CNKSR3: variants seen among roughly 807,000 people sequenced by gnomAD.
The protein encoded by CNKSR3 is connector enhancer of kinase suppressor of ras 3.
In CNKSR3, 36 loss-of-function variants were observed where a neutral mutation model predicts 67.7. The observed-to-expected ratio is 0.53, with a 90% CI of 0.41 to 0.70. The LOEUF (loss-of-function observed/expected upper bound fraction) is 0.70. Ranked by LOEUF, CNKSR3 falls within the 30% of genes least tolerant of loss-of-function variation. The pLI is 0.00. For missense variants in CNKSR3, 630 were observed against 695.2 expected, an observed-to-expected ratio of 0.91 and a Z score of 1.05; for synonymous variants, 281 against 271.4, an observed-to-expected ratio of 1.04 and a Z score of -0.35.
At chr6:154,427,224 C>T (rs1562327352) in intron 7 of CNKSR3, among the ~76,000 whole-genome samples, 1 of 152,352 alleles carries the variant, frequency 6.6e-6, no homozygotes, top group South Asian at 2.1e-4. Flanking sequence ...TTATCACAGA[C>T]ACTCAAAGAT....
intron 5 of CNKSR3, among the ~76,000 whole-genome samples, chr6:154,431,341 G>A (rs1442701183): frequency 1.3e-5 from 2 of 151,542 alleles, no homozygotes; most frequent in Non-Finnish European, 1.5e-5. Flanking sequence ...CTACTCGGGA[G>A]GCTGAGGCTG....
intron 1 of CNKSR3, among the ~76,000 whole-genome samples, chr6:154,457,183 CGTAGTAT>C (rs1554235026): frequency 2.0e-5 from 3 of 151,954 alleles, no homozygotes; most frequent in Non-Finnish European, 4.4e-5. Context: ...TCTATGTGAG[CGTAGTAT>C]GATTAATGGA....
intron 2 of CNKSR3, among the ~76,000 whole-genome samples, chr6:154,446,179 G>A (rs896905067): frequency 6.6e-6 from 1 of 152,070 alleles, no homozygotes; most frequent in Non-Finnish European, 1.5e-5. Flanking sequence ...TTCACCATCC[G>A]GGATCCTTTC....
At chr6:154,463,393 C>T (rs975315648) in intron 1 of CNKSR3, among the ~76,000 whole-genome samples, 15 of 151,948 alleles carry the variant, frequency 9.9e-5, no homozygotes, top group African/African-American at 3.4e-4. Context: ...TTCATATATA[C>T]ATCACCAAAT....
At chr6:154,482,665 G>A (rs1786588403) in intron 1 of CNKSR3, among the ~76,000 whole-genome samples, 1 of 152,162 alleles carries the variant, frequency 6.6e-6, no homozygotes, top group African/African-American at 2.4e-5. Flanking sequence ...TGTCTAGGAA[G>A]GGTTCCAGAA....
intron 1 of CNKSR3, among the ~76,000 whole-genome samples, chr6:154,456,348 A>C (rs1785953594): frequency 6.6e-6 from 1 of 151,642 alleles, no homozygotes; most frequent in African/African-American, 2.4e-5. Flanking sequence ...TTAAATTCAG[A>C]AATCAGTTTA....
intron 9 of CNKSR3, among the ~76,000 whole-genome samples, chr6:154,421,767 C>T (rs768550253): frequency 6.6e-6 from 1 of 152,168 alleles, no homozygotes; most frequent in African/African-American, 2.4e-5. Flanking sequence ...GATGACTCAA[C>T]CTCATGTGGT....
rs1017657234 is a variant in CNKSR3 at position 154,393,413 on chromosome 6, G to T, written c.*12941C>A. 1.3e-5 allele frequency: 2 copies of T among 152,204 alleles called. No individual in the cohort carries two copies. The highest frequency in any genetic ancestry group is 4.8e-5 in the African/African-American group (2 of 41,450). The allele number at this position is 152,204 out of a possible 1,614,324, so 9.4% of individuals were successfully genotyped here. A position where few individuals can be genotyped will look rare whatever the true frequency, so the allele number is the denominator to read the frequency against. Reference sequence around the variant, plus strand: ...GAGAGCAGCATCTCCCTGTGATTTTGACTTCACTTTCCCTGCTCGCTAGTG... The same window carrying T: ...GAGAGCAGCATCTCCCTGTGATTTTTACTTCACTTTCCCTGCTCGCTAGTG... On this transcript the variant is annotated 3_prime_UTR_variant, in exon 13 of 13. Transcript: ENST00000607772.
At chr6:154,461,254 T>TG (rs1272050152) in intron 1 of CNKSR3, among the ~76,000 whole-genome samples, 1 of 151,964 alleles carries the variant, frequency 6.6e-6, no homozygotes, top group Non-Finnish European at 1.5e-5. Flanking sequence ...GGACCTCAAC[T>TG]GGGCACCTAG....
intron 1 of CNKSR3, among the ~76,000 whole-genome samples, chr6:154,503,836 C>A (rs1257883223): frequency 6.6e-6 from 1 of 152,160 alleles, no homozygotes; most frequent in Non-Finnish European, 1.5e-5. Context: ...TAAGTGTCAT[C>A]ATTCCAGAAT....
chr6:154,485,762 C>T (rs1358217605), intron 1 of CNKSR3, among the ~76,000 whole-genome samples: 1 of 152,210 alleles, frequency 6.6e-6, no homozygotes, highest in Non-Finnish European at 1.5e-5. Context: ...AGAAGCAACT[C>T]TGGTGACTAA....
In CNKSR3 at chr6:154,394,409, A is replaced by C. The variant is rs1784637237; in HGVS notation, c.*11945T>G. ...GTGGATAATGCCTGGGTCACCTTGA[A>C]GTCCAAAATTGGAGACACCATAACC... On this transcript the variant is annotated 3_prime_UTR_variant, in exon 13 of 13. Coordinates refer to ENST00000607772, the MANE Select transcript of CNKSR3 (RefSeq NM_173515.4). 1 of 152,162 alleles carries C rather than the reference A, an allele frequency of 6.6e-6. No individual in the cohort carries two copies. Among genetic ancestry groups the C allele is most frequent in the Non-Finnish European group, 1.5e-5 (1 of 68,042 alleles). 9.4% of individuals were successfully genotyped at this position (152,162 alleles called of 1,614,324 possible).
At chr6:154,412,260 G>T (rs1304389128) in intron 10 of CNKSR3, among the ~76,000 whole-genome samples, 1 of 152,078 alleles carries the variant, frequency 6.6e-6, no homozygotes, top group Non-Finnish European at 1.5e-5. Context: ...CATTCACAAA[G>T]CTTTCATGAC....
In CNKSR3 at chr6:154,391,201, G is replaced by A. The variant is rs1281471760; in HGVS notation, c.*15153C>T. ...TATCTGTGTCCACATGTCCTTGATTGAGCCCACCATAATGACTGCATTTTA... is the reference window on the plus strand; with the variant it reads ...TATCTGTGTCCACATGTCCTTGATTAAGCCCACCATAATGACTGCATTTTA... On this transcript the variant is annotated 3_prime_UTR_variant, in exon 13 of 13. Coordinates refer to ENST00000607772, the MANE Select transcript of CNKSR3 (RefSeq NM_173515.4). 6.6e-6 allele frequency: 1 copy of A among 151,878 alleles called. No individual in the cohort carries two copies. Among genetic ancestry groups the A allele is most frequent in the Non-Finnish European group, 1.5e-5 (1 of 68,006 alleles). 9.4% of individuals were successfully genotyped at this position (151,878 alleles called of 1,614,324 possible).
intron 1 of CNKSR3, among the ~76,000 whole-genome samples, chr6:154,450,462 T>G (rs1740338341): frequency 6.6e-6 from 1 of 152,210 alleles, no homozygotes; most frequent in Admixed American, 6.5e-5. Flanking sequence ...CATTCTCAAG[T>G]GATCCAACAG....
intron 1 of CNKSR3, among the ~76,000 whole-genome samples, chr6:154,458,371 C>T (rs1786002612): frequency 6.6e-6 from 1 of 152,186 alleles, no homozygotes; most frequent in Non-Finnish European, 1.5e-5. Context: ...CCCCCCTCCC[C>T]TAATGAAAGA....
intron 9 of CNKSR3, among the ~76,000 whole-genome samples, chr6:154,421,726 G>T (rs937675150): frequency 3.3e-5 from 5 of 152,100 alleles, no homozygotes; most frequent in African/African-American, 7.2e-5. Context: ...TGCACTCACC[G>T]CCCCCAACCC....
intron 1 of CNKSR3, among the ~76,000 whole-genome samples, chr6:154,454,284 T>C (rs912634977): frequency 1.3e-5 from 2 of 152,212 alleles, no homozygotes; most frequent in African/African-American, 4.8e-5. Context: ...TTAATGTTAA[T>C]GTTTATAAAG....
chr6:154,482,646 G>A (rs1280415151), intron 1 of CNKSR3, among the ~76,000 whole-genome samples: 1 of 152,138 alleles, frequency 6.6e-6, no homozygotes, highest in Non-Finnish European at 1.5e-5. Flanking sequence ...GAATAAACAT[G>A]TATGCAAATG....
Sources: gnomAD v4.1 joint callset for allele counts (sites outside exome capture counted in the v4.1 genomes callset) on GRCh38, gnomAD v4.1.1 for gene constraint, MANE v1.5 for transcripts, NCBI Gene and HGNC (gene_info 2026-07-23, HGNC 2026-07-21) for gene names.